TPRG1: variants seen among roughly 807,000 people sequenced by gnomAD.
The protein encoded by TPRG1 is tumor protein p63 regulated 1, also known as tumor protein p63-regulated gene 1 protein.
A neutral mutation model predicts 29.3 loss-of-function variants in TPRG1; 29 were observed. That is an observed-to-expected ratio of 0.99 (90% CI 0.74 to 1.35). TPRG1 has a LOEUF of 1.35. TPRG1 is among the 40% of genes most tolerant of loss of function. The pLI is 0.00. For missense variants in TPRG1, 327 were observed against 335.0 expected, an observed-to-expected ratio of 0.98 and a Z score of 0.19; for synonymous variants, 130 against 116.8, an observed-to-expected ratio of 1.11 and a Z score of -0.73.
chr3:189,239,235 T>C (rs1740098155), intron 4 of TPRG1, among the ~76,000 whole-genome samples: 1 of 152,018 alleles, frequency 6.6e-6, no homozygotes, highest in African/African-American at 2.4e-5. Context: ...TCTTCTTATA[T>C]GGCCGCAGCA....
chr3:189,203,209 T>A (rs889122435), intron 1 of TPRG1, among the ~76,000 whole-genome samples: 1 of 152,216 alleles, frequency 6.6e-6, no homozygotes, highest in Non-Finnish European at 1.5e-5. Context: ...GACCAGGATC[T>A]GGAAATAAGT....
intron 1 of TPRG1, among the ~76,000 whole-genome samples, chr3:189,108,723 C>A (rs1720120159): frequency 1.3e-5 from 2 of 152,008 alleles, no homozygotes; most frequent in African/African-American, 4.8e-5. Flanking sequence ...AATATCAAAT[C>A]AATAACCAAC....
intron 1 of TPRG1, among the ~76,000 whole-genome samples, chr3:189,102,636 A>G (rs1217384135): frequency 1.3e-5 from 2 of 152,252 alleles, no homozygotes; most frequent in African/African-American, 4.8e-5. Flanking sequence ...CCTACTTTTT[A>G]TAGCTTTAAG....
chr3:189,145,456 A>C (rs1725145257), intron 3 of TPRG1, among the ~76,000 whole-genome samples: 1 of 152,096 alleles, frequency 6.6e-6, no homozygotes, highest in Non-Finnish European at 1.5e-5. Context: ...GAGTTCTGGC[A>C]TTGGAGAGAG....
upstream of TPRG1, among the ~76,000 whole-genome samples, chr3:189,095,487 A>G (rs1026339309): frequency 6.6e-6 from 1 of 152,168 alleles, no homozygotes; most frequent in African/African-American, 2.4e-5. Flanking sequence ...CTGCCCTTCA[A>G]GGCCTTAGGA....
chr3:189,248,509 T>A (rs114063301), intron 4 of TPRG1, among the ~76,000 whole-genome samples: 1 of 151,540 alleles, frequency 6.6e-6, no homozygotes, highest in South Asian at 2.1e-4. Context: ...TTTGTATATA[T>A]ATATCTTGCA....
intron 5 of TPRG1, among the ~76,000 whole-genome samples, chr3:189,314,645 TATAAA>T (rs1328146521): frequency 6.6e-6 from 1 of 152,110 alleles, no homozygotes; most frequent in Admixed American, 6.6e-5. Flanking sequence ...AATGTGAAAG[TATAAA>T]ATAAAATAGT....
At chr3:189,124,697 C>T (rs1173792049) in intron 1 of TPRG1, among the ~76,000 whole-genome samples, 2 of 152,166 alleles carry the variant, frequency 1.3e-5, no homozygotes, top group African/African-American at 2.4e-5. Flanking sequence ...ATTTATCTTA[C>T]ATGAACATTT....
At chr3:189,015,551 C>A (rs1362768692) in intron 3 of TPRG1, among the ~76,000 whole-genome samples, 1 of 152,160 alleles carries the variant, frequency 6.6e-6, no homozygotes, top group Non-Finnish European at 1.5e-5. Context: ...ATGTCACAGA[C>A]CTTCGTGACA....
intron 4 of TPRG1, among the ~76,000 whole-genome samples, chr3:189,241,948 C>G: frequency 6.6e-6 from 1 of 152,076 alleles, no homozygotes; most frequent in Non-Finnish European, 1.5e-5. Context: ...GTGAAACAAA[C>G]TAATACAGGT....
intron 4 of TPRG1, among the ~76,000 whole-genome samples, chr3:189,255,991 G>T (rs1560612169): frequency 6.6e-6 from 1 of 152,038 alleles, no homozygotes; most frequent in Non-Finnish European, 1.5e-5. Flanking sequence ...GTTTTAAAGG[G>T]TTTTTTGTGT....
intron 3 of TPRG1, among the ~76,000 whole-genome samples, chr3:189,132,998 A>G (rs144247033): frequency 6.0e-4 from 92 of 152,282 alleles, no homozygotes; most frequent in African/African-American, 2.1e-3. Context: ...ATGAACGGAA[A>G]TATGTACTGA....
intron 4 of TPRG1, among the ~76,000 whole-genome samples, chr3:189,301,606 C>T (rs957169044): frequency 6.6e-6 from 1 of 152,080 alleles, no homozygotes; most frequent in African/African-American, 2.4e-5. Flanking sequence ...ACCATTACCA[C>T]CCAATCTTTG....
intron 3 of TPRG1, among the ~76,000 whole-genome samples, chr3:189,226,662 A>G (rs1225329580): frequency 6.6e-6 from 1 of 151,700 alleles, no homozygotes; most frequent in Non-Finnish European, 1.5e-5. Flanking sequence ...GAAGAAAGTA[A>G]ATAACTTAGA....
At chr3:189,146,216 G>T (rs1033846702) in intron 3 of TPRG1, among the ~76,000 whole-genome samples, 1 of 152,190 alleles carries the variant, frequency 6.6e-6, no homozygotes, top group Non-Finnish European at 1.5e-5. Flanking sequence ...CTTTGTTTAT[G>T]CATTGCCGTG....
chr3:189,181,178 C>T (rs1340562489), intron 1 of TPRG1, among the ~76,000 whole-genome samples: 1 of 152,210 alleles, frequency 6.6e-6, no homozygotes, highest in African/African-American at 2.4e-5. Context: ...CTTAGGCCTC[C>T]CAGCCTGTGA....
chr3:189,273,627 T>A (rs1650037371), intron 4 of TPRG1, among the ~76,000 whole-genome samples: 1 of 152,192 alleles, frequency 6.6e-6, no homozygotes, highest in Admixed American at 6.5e-5. Context: ...TATTTAGTCT[T>A]TGGAATTTCC....
chr3:189,190,202 A>G (rs1347142702), intron 1 of TPRG1, among the ~76,000 whole-genome samples: 1 of 152,198 alleles, frequency 6.6e-6, no homozygotes, highest in Non-Finnish European at 1.5e-5. Flanking sequence ...CATTCACTTG[A>G]ATTTCTCTGT....
intron 3 of TPRG1, among the ~76,000 whole-genome samples, chr3:189,011,156 G>A (rs1049078498): frequency 1.1e-4 from 17 of 152,208 alleles, no homozygotes; most frequent in African/African-American, 1.9e-4. Flanking sequence ...CATTGTTTTG[G>A]TTACTGTAGC....
Sources: allele counts gnomAD v4.1 joint callset (sites outside exome capture counted in the v4.1 genomes callset), GRCh38; gene constraint gnomAD v4.1.1; transcripts MANE v1.5; gene names NCBI Gene and HGNC (gene_info 2026-07-23, HGNC 2026-07-21).